The following B3GALT1 variants were observed in gnomAD, a reference collection of about 807,000 sequenced individuals.
B3GALT1 encodes UDP-Gal:betaGlcNAc beta 1,3-galactosyltransferase, polypeptide 1.
In B3GALT1, 10 loss-of-function variants were observed where a neutral mutation model predicts 23.2. The ratio of observed to expected loss-of-function variants is 0.43; its 90% CI spans 0.27 to 0.73. The LOEUF is 0.73. Ranked by LOEUF, B3GALT1 falls within the 30% of genes least tolerant of loss-of-function variation. The probability of loss-of-function intolerance (pLI) is 0.21; values close to 1 mark genes in which losing one functional copy is unlikely to be tolerated. For synonymous variants in B3GALT1, 156 were observed against 141.5 expected (o/e 1.10, Z -0.73); for missense variants, 299 against 405.4 (o/e 0.74, Z 2.25).
chr2:167,838,346 T>A (rs1162945784), intron 4 of B3GALT1, among the ~76,000 whole-genome samples: 3 of 152,190 alleles, frequency 2.0e-5, no homozygotes, highest in East Asian at 3.8e-4. Flanking sequence ...AAAGGGGATA[T>A]CACCACCGAT....
chr2:167,482,421 G>A (rs897907423), intron 1 of B3GALT1, among the ~76,000 whole-genome samples: 1 of 152,042 alleles, frequency 6.6e-6, no homozygotes, highest in African/African-American at 2.4e-5. Flanking sequence ...ACTCTTTCAG[G>A]ACACCAGAGT....
chr2:167,485,797 G>C (rs1210646638), intron 1 of B3GALT1, among the ~76,000 whole-genome samples: 4 of 152,144 alleles, frequency 2.6e-5, no homozygotes, highest in Non-Finnish European at 5.9e-5. Context: ...TTTCACTTCT[G>C]TTTTCAAAAT....
chr2:167,723,927 A>G (rs1687270545), intron 3 of B3GALT1, among the ~76,000 whole-genome samples: 1 of 152,232 alleles, frequency 6.6e-6, no homozygotes, highest in South Asian at 2.1e-4. Context: ...TTTGCTCTGA[A>G]TATAAAGCTT....
At chr2:167,505,964 G>T (rs1699911116) in intron 2 of B3GALT1, among the ~76,000 whole-genome samples, 5 of 152,052 alleles carry the variant, frequency 3.3e-5, no homozygotes, top group Admixed American at 3.3e-4. Context: ...GGAGGCTGAG[G>T]CAGGAGAATC....
At chr2:167,852,210 C>T (rs571545795) in intron 4 of B3GALT1, among the ~76,000 whole-genome samples, 1 of 152,262 alleles carries the variant, frequency 6.6e-6, no homozygotes, top group African/African-American at 2.4e-5. Flanking sequence ...TGGCTATGGT[C>T]ACCCGAGGTG....
At chr2:167,741,311 C>T (rs1687573632) in intron 3 of B3GALT1, among the ~76,000 whole-genome samples, 2 of 152,158 alleles carry the variant, frequency 1.3e-5, no homozygotes, top group Non-Finnish European at 2.9e-5. Flanking sequence ...TATCACTGAG[C>T]ACATTCTAAC....
intron 3 of B3GALT1, among the ~76,000 whole-genome samples, chr2:167,750,990 G>T (rs1205981099): frequency 2.0e-5 from 3 of 152,140 alleles, no homozygotes; most frequent in Non-Finnish European, 4.4e-5. Flanking sequence ...TTTTGGCTTT[G>T]TGAGCCATAC....
At chr2:167,465,175 A>G (rs1449338454) in intron 1 of B3GALT1, among the ~76,000 whole-genome samples, 1 of 152,168 alleles carries the variant, frequency 6.6e-6, no homozygotes, top group African/African-American at 2.4e-5. Context: ...AAATTAGTCC[A>G]TTGAACTTGT....
At chr2:167,429,776 T>C (rs1698681491) in intron 1 of B3GALT1, among the ~76,000 whole-genome samples, 1 of 152,212 alleles carries the variant, frequency 6.6e-6, no homozygotes, top group Non-Finnish European at 1.5e-5. Flanking sequence ...AGTACCAACG[T>C]CATAGGGATG....
chr2:167,689,140 C>CAAA (rs35745682), intron 3 of B3GALT1, among the ~76,000 whole-genome samples: 10 of 137,548 alleles, frequency 7.3e-5, no homozygotes, highest in African/African-American at 2.7e-4. Flanking sequence ...CCAAAAAGAC[C>CAAA]AAAAAAAAAA....
At chr2:167,563,163 G>A (rs981596631) in intron 2 of B3GALT1, among the ~76,000 whole-genome samples, 1 of 151,894 alleles carries the variant, frequency 6.6e-6, no homozygotes, top group East Asian at 2.0e-4. Flanking sequence ...TGAGCCGCTG[G>A]GCACACCTCC....
chr2:167,492,097 T>G (rs1574101993), intron 2 of B3GALT1, among the ~76,000 whole-genome samples: 1 of 152,286 alleles, frequency 6.6e-6, no homozygotes, highest in East Asian at 1.9e-4. Flanking sequence ...ACAGAATAGC[T>G]TCGCTGCTCT....
chr2:167,327,079 T>G (rs2105497474), intron 1 of B3GALT1, among the ~76,000 whole-genome samples: 1 of 152,208 alleles, frequency 6.6e-6, no homozygotes, highest in East Asian at 1.9e-4. Flanking sequence ...ATATGTAGAT[T>G]TATTTCTGGG....
At chr2:167,538,433 A>G (rs1312273943) in intron 2 of B3GALT1, among the ~76,000 whole-genome samples, 1 of 152,192 alleles carries the variant, frequency 6.6e-6, no homozygotes, top group African/African-American at 2.4e-5. Flanking sequence ...AGTCCTGAGA[A>G]TAGTAGGGTG....
chr2:167,591,659 A>T (rs1401694900), intron 2 of B3GALT1, among the ~76,000 whole-genome samples: 1 of 151,986 alleles, frequency 6.6e-6, no homozygotes, highest in Non-Finnish European at 1.5e-5. Flanking sequence ...TTTTTTGTAG[A>T]GATGAGGTCA....
chr2:167,354,347 CT>C lies in B3GALT1; in HGVS notation c.-511+61031del, dbSNP rs373088288. On this transcript the variant is annotated intron_variant, in intron 1 of 4. Coordinates refer to ENST00000392690, the MANE Select transcript of B3GALT1 (RefSeq NM_020981.4). ...GTTGTTTCTTTCCTTGGTAAATCTT[CT>C]TTTTTTTTTTTTTTTTTGAGATGGA... is the stretch of plus-strand genomic sequence containing the variant. 9.7e-3 allele frequency among the ~76,000 whole-genome samples: 1,109 copies of C among 114,818 alleles called. 7 individuals carry two copies. The highest frequency in any genetic ancestry group is 0.048 in the East Asian group (180 of 3,772). 75.3% of individuals were successfully genotyped at this position (114,818 alleles called of 152,430 possible). A position where few individuals can be genotyped will look rare whatever the true frequency, so the allele number is the denominator to read the frequency against.
chr2:167,451,858 C>T (rs796767041), intron 1 of B3GALT1, among the ~76,000 whole-genome samples: 3 of 152,124 alleles, frequency 2.0e-5, no homozygotes, highest in South Asian at 2.1e-4. Context: ...CAGGGCTTGC[C>T]GTGGCTGCTG....
intron 1 of B3GALT1, among the ~76,000 whole-genome samples, chr2:167,456,601 C>T (rs887778411): frequency 6.6e-6 from 1 of 152,198 alleles, no homozygotes; most frequent in Non-Finnish European, 1.5e-5. Flanking sequence ...TTCTGTCAGT[C>T]CTGGCTAGAA....
At chr2:167,834,406 T>C (rs1460129403) in intron 4 of B3GALT1, among the ~76,000 whole-genome samples, 1 of 152,230 alleles carries the variant, frequency 6.6e-6, no homozygotes, top group East Asian at 1.9e-4. Flanking sequence ...AATGAGAAGA[T>C]GGAGAAAGAT....
Sources: gnomAD v4.1 joint callset for allele counts (sites outside exome capture counted in the v4.1 genomes callset) on GRCh38, gnomAD v4.1.1 for gene constraint, MANE v1.5 for transcripts, NCBI Gene and HGNC (gene_info 2026-07-23, HGNC 2026-07-21) for gene names.